The following ERC1 variants were observed in gnomAD, a reference collection of about 807,000 sequenced individuals.
ERC1 encodes the protein ELKS/RAB6-interacting/CAST family member 1.
A neutral mutation model predicts 132.0 loss-of-function variants in ERC1; 56 were observed. The ratio of observed to expected loss-of-function variants is 0.42; its 90% CI spans 0.34 to 0.53. ERC1 has a LOEUF of 0.53. ERC1 is among the 20% of genes least tolerant of loss of function. The pLI, the probability that ERC1 is intolerant of heterozygous loss-of-function variation, is 0.03. For missense variants in ERC1, 1,202 were observed against 1,349.9 expected (o/e 0.89, Z 1.72); for synonymous variants, 478 against 476.1 (o/e 1.00, Z -0.05).
chr12:1,141,242 T>C (rs1460954196), intron 7 of ERC1, among the ~76,000 whole-genome samples: 1 of 152,204 alleles, frequency 6.6e-6, no homozygotes, highest in African/African-American at 2.4e-5. Flanking sequence ...TTATCTGATA[T>C]AGCCAGTGTT....
At chr12:1,467,283 C>G (rs1327828668) in intron 18 of ERC1, among the ~76,000 whole-genome samples, 6 of 152,022 alleles carry the variant, frequency 3.9e-5, no homozygotes, top group Admixed American at 3.9e-4. Context: ...TTGAATGAGG[C>G]ATCTCTCTGA....
chr12:1,216,812 C>G (rs1958473988), intron 12 of ERC1, among the ~76,000 whole-genome samples: 1 of 151,810 alleles, frequency 6.6e-6, no homozygotes, highest in African/African-American at 2.4e-5. Flanking sequence ...CCTGGTTGAT[C>G]CTGTGAGGCC....
intron 14 of ERC1, 37 bp downstream of exon 14, chr12:1,263,202 G>A (rs1254325920): frequency 1.2e-6 from 2 of 1,607,888 alleles, no homozygotes; most frequent in Non-Finnish European, 1.7e-6. Flanking sequence ...AATGCTGCTG[G>A]TTAACCAAAA....
chr12:1,281,977 AGGAGT>A (rs1382262981), intron 14 of ERC1, among the ~76,000 whole-genome samples: 1 of 152,138 alleles, frequency 6.6e-6, no homozygotes, highest in Non-Finnish European at 1.5e-5. Flanking sequence ...AACCCTACTT[AGGAGT>A]GATGAGTGCT....
chr12:1,341,786 C>T (rs1197931297), intron 15 of ERC1, among the ~76,000 whole-genome samples: 1 of 152,120 alleles, frequency 6.6e-6, no homozygotes, highest in Non-Finnish European at 1.5e-5. Context: ...GTTGTGTACA[C>T]ATACCCTAGA....
chr12:1,357,078 T>C (rs2085611953), intron 15 of ERC1, among the ~76,000 whole-genome samples: 1 of 152,186 alleles, frequency 6.6e-6, no homozygotes, highest in African/African-American at 2.4e-5. Context: ...TTCATAAGCT[T>C]CCTATACAGC....
intron 15 of ERC1, among the ~76,000 whole-genome samples, chr12:1,337,966 C>T (rs954349591): frequency 2.0e-5 from 3 of 152,174 alleles, no homozygotes; most frequent in African/African-American, 7.2e-5. Flanking sequence ...CTGCCTTTAA[C>T]ATTTTTTTCT....
At chr12:1,252,108 C>T (rs2076505515) in intron 13 of ERC1, among the ~76,000 whole-genome samples, 1 of 152,066 alleles carries the variant, frequency 6.6e-6, no homozygotes, top group African/African-American at 2.4e-5. Flanking sequence ...TACTCATCCC[C>T]TCAAGCATTT....
rs1257630049 is a variant in ERC1, at chr12:1,492,613, A to AGGAGG, written c.*2386_*2387insGGGGA. On this transcript the variant is annotated 3_prime_UTR_variant, in exon 19 of 19. Coordinates refer to ENST00000360905, the MANE Select transcript of ERC1 (RefSeq NM_178040.4). ...CTTCCCCTCCAGAAAAACGGATGGA[A>AGGAGG]GGAAGCCCTCTGTGACACTGCTTCT... The AGGAGG allele has an allele frequency of 4.3e-6, 1 of 233,042 alleles. No individual in the cohort carries two copies. Among genetic ancestry groups the AGGAGG allele is most frequent in the East Asian group, 6.0e-5 (1 of 16,588 alleles). 14.4% of individuals were successfully genotyped at this position (233,042 alleles called of 1,614,324 possible). A position where few individuals can be genotyped will look rare whatever the true frequency, so the allele number is the denominator to read the frequency against.
chr12:1,364,993 AAC>A (rs2086518664), intron 15 of ERC1, among the ~76,000 whole-genome samples: 1 of 152,208 alleles, frequency 6.6e-6, no homozygotes, highest in East Asian at 1.9e-4. Context: ...CCTCTGGACA[AAC>A]ACAGATTCAA....
At chr12:1,324,414 A>G (rs1461287307) in intron 15 of ERC1, among the ~76,000 whole-genome samples, 3 of 152,176 alleles carry the variant, frequency 2.0e-5, no homozygotes, top group Non-Finnish European at 4.4e-5. Context: ...CGAGGAGGTT[A>G]ACAGGTAGAC....
intron 2 of ERC1, among the ~76,000 whole-genome samples, chr12:1,080,107 A>T (rs1225123734): frequency 6.6e-6 from 1 of 152,242 alleles, no homozygotes; most frequent in Admixed American, 6.5e-5. Context: ...TATGACCAAC[A>T]TCTTCTCTCC....
intron 8 of ERC1, among the ~76,000 whole-genome samples, chr12:1,158,010 CA>C (rs1213411884): frequency 2.6e-5 from 4 of 152,260 alleles, no homozygotes; most frequent in African/African-American, 9.6e-5. Flanking sequence ...GGACATATAG[CA>C]AAATTAAAGT....
intron 7 of ERC1, among the ~76,000 whole-genome samples, chr12:1,138,299 T>C (rs938194738): frequency 1.4e-5 from 2 of 138,216 alleles, no homozygotes; most frequent in Non-Finnish European, 3.0e-5. Flanking sequence ...TATTATATAA[T>C]ATATGTTGTA....
chr12:1,343,849 ATTTTTT>A lies in ERC1; in HGVS notation c.2781-27977_2781-27972del, dbSNP rs143481650. Among the ~76,000 whole-genome samples, 42 of 148,324 alleles carry A rather than the reference ATTTTTT, an allele frequency of 2.8e-4. No individual in the cohort carries two copies. In the Middle Eastern group the frequency reaches 0.021, roughly 74 times the overall value. ...AATTGTAGATTTCATATGTAAAAAC[ATTTTTT>A]TTTTTTAAGACAGTCTTGCTCTGTC... On this transcript the variant is annotated intron_variant, in intron 15 of 18. Coordinates refer to ENST00000360905, the MANE Select transcript of ERC1 (RefSeq NM_178040.4).
At chr12:1,264,387 G>A (rs918054595) in intron 14 of ERC1, among the ~76,000 whole-genome samples, 14 of 152,196 alleles carry the variant, frequency 9.2e-5, no homozygotes, top group African/African-American at 3.1e-4. Context: ...CCTAGGCCGA[G>A]CGCGGTGGTT....
chr12:1,317,216 A>G (rs1489017051), intron 15 of ERC1, among the ~76,000 whole-genome samples: 2 of 151,914 alleles, frequency 1.3e-5, no homozygotes, highest in East Asian at 1.9e-4. Flanking sequence ...ATGGAATACT[A>G]TGCAGCCATA....
chr12:1,041,171 C>T (rs1366022876), intron 2 of ERC1, among the ~76,000 whole-genome samples: 2 of 150,518 alleles, frequency 1.3e-5, no homozygotes, highest in African/African-American at 2.4e-5. Flanking sequence ...TCATAAGTAA[C>T]GTTTTAAAAT....
At chr12:1,186,181 A>AT (rs1955070898) in intron 11 of ERC1, among the ~76,000 whole-genome samples, 1 of 152,122 alleles carries the variant, frequency 6.6e-6, no homozygotes, top group Non-Finnish European at 1.5e-5. Flanking sequence ...CCCCTTTAAT[A>AT]TTTTTTGAAA....
Sources: allele counts gnomAD v4.1 joint callset (sites outside exome capture counted in the v4.1 genomes callset), GRCh38; gene constraint gnomAD v4.1.1; transcripts MANE v1.5; gene names NCBI Gene and HGNC (gene_info 2026-07-23, HGNC 2026-07-21).